The following MCL1 variants were observed in gnomAD, a reference collection of about 807,000 sequenced individuals.
The protein encoded by MCL1 is induced myeloid leukemia cell differentiation protein Mcl-1.
MCL1 carries 4 observed loss-of-function variants against 24.2 expected under a neutral mutation model. That is an observed-to-expected ratio of 0.17 (90% CI 0.08 to 0.38). The LOEUF is 0.38. Among genes scored for constraint, MCL1 ranks in the 10% least tolerant of loss-of-function variants. MCL1 has a pLI of 1.00. For missense variants in MCL1, 529 were observed against 480.3 expected, an observed-to-expected ratio of 1.10 and a Z score of -0.95; for synonymous variants, 248 against 214.0, an observed-to-expected ratio of 1.16 and a Z score of -1.39.
At chr1:150,578,822 G>A (rs1225572575) in intron 1 of MCL1, 21 bp downstream of exon 1, 4 of 1,596,602 alleles carry the variant, frequency 2.5e-6, no homozygotes, top group Admixed American at 1.7e-5. Flanking sequence ...TGAGGCCTTG[G>A]CGATTAATGA....
Position 150,577,083 on chromosome 1 carries a change from C to A in MCL1, c.*292G>T. Reference sequence around the variant, plus strand: ...TTCTCAACAAGGAAATTAAGTCTTTCCACCCTACCATCTTCACTAAATCTA... The same window carrying A: ...TTCTCAACAAGGAAATTAAGTCTTTACACCCTACCATCTTCACTAAATCTA... On this transcript the variant is annotated 3_prime_UTR_variant, in exon 3 of 3. Coordinates refer to ENST00000369026, the MANE Select transcript of MCL1 (RefSeq NM_021960.5). 3.2e-6 allele frequency: 1 copy of A among 310,042 alleles called. No homozygotes were observed. The highest frequency in any genetic ancestry group is 6.1e-6 in the Non-Finnish European group (1 of 163,744). 19.2% of individuals were successfully genotyped at this position (310,042 alleles called of 1,614,324 possible).
Position 150,577,215 on chromosome 1 carries a change from G to T in MCL1, c.*160C>A. On this transcript the variant is annotated 3_prime_UTR_variant, in exon 3 of 3. Coordinates refer to ENST00000369026, the MANE Select transcript of MCL1 (RefSeq NM_021960.5). ...AATCAATGGGGAGCACTCTTCCCAT[G>T]TATTTATTCTTGTTAGCCATAATCC... 2 of 848,256 alleles carry T rather than the reference G, an allele frequency of 2.4e-6. No individual in the cohort carries two copies. Among genetic ancestry groups the T allele is most frequent in the Non-Finnish European group, 3.6e-6 (2 of 550,640 alleles). 52.5% of individuals were successfully genotyped at this position (848,256 alleles called of 1,614,324 possible).
At chr1:150,578,610 C>A in intron 1 of MCL1, 119 bp from the exon 2 acceptor site, 1 of 1,309,568 alleles carries the variant, frequency 7.6e-7, no homozygotes, top group South Asian at 1.4e-5. Flanking sequence ...AGGTTGACCC[C>A]ACTTGAAATT....
In MCL1 at chr1:150,576,720, G is replaced by A. The variant is rs1364591445; in HGVS notation, c.*655C>T. 1 of 232,256 alleles carries A rather than the reference G, an allele frequency of 4.3e-6. No homozygotes were observed. The highest frequency in any genetic ancestry group is 8.5e-6 in the Non-Finnish European group (1 of 117,498). 14.4% of individuals were successfully genotyped at this position (232,256 alleles called of 1,614,324 possible). ...ACATTTACAAGCTGTCTTAAGAATTGAGGATATCCATATTCATAACTAATT... is the reference window on the plus strand; with the variant it reads ...ACATTTACAAGCTGTCTTAAGAATTAAGGATATCCATATTCATAACTAATT... On this transcript the variant is annotated 3_prime_UTR_variant, in exon 3 of 3. Transcript: ENST00000369026.
At position 150,579,310 on chromosome 1, in the gene MCL1, C is replaced by T. The variant is rs113625636; in HGVS notation, c.221G>A (p.Arg74Gln). ...AATGGGCGGCGGCCGCGCGACCCTC[C>T]GGGAGTCTGGCGTGAGGGTGGACGG... ...SPPSTLTPDS[R>Q]RVARPPPIGA... Residue 74 changes from arginine to glutamine, a missense_variant, in exon 1 of 3, where the codon CGG becomes CAG. Arg to Gln is a conservative substitution (Grantham distance 43). Coordinates refer to ENST00000369026, the MANE Select transcript of MCL1 (RefSeq NM_021960.5). 13 of 1,482,252 alleles carry T rather than the reference C, an allele frequency of 8.8e-6. No homozygotes were observed. The highest frequency in any genetic ancestry group is 2.7e-5 in the Admixed American group (1 of 37,514). The allele number at this position is 1,482,252 out of a possible 1,614,324, so 91.8% of individuals were successfully genotyped here.
In MCL1 at chr1:150,574,766, A is replaced by C. The variant is rs1164426344; in HGVS notation, c.*2609T>G. 4.3e-6 allele frequency: 1 copy of C among 232,970 alleles called. No individual in the cohort carries two copies. Among genetic ancestry groups the C allele is most frequent in the Non-Finnish European group, 8.5e-6 (1 of 117,674 alleles). 14.4% of individuals were successfully genotyped at this position (232,970 alleles called of 1,614,324 possible). ...GGACTGCATGTTTTTCCCTGAGAGAAGCGTAAGACAAACAGAAGTCAAAAA... is the reference window on the plus strand; with the variant it reads ...GGACTGCATGTTTTTCCCTGAGAGACGCGTAAGACAAACAGAAGTCAAAAA... On this transcript the variant is annotated 3_prime_UTR_variant, in exon 3 of 3. Coordinates refer to ENST00000369026, the MANE Select transcript of MCL1 (RefSeq NM_021960.5).
rs758465250 is a variant in MCL1 at position 150,579,327 on chromosome 1, G to A, written c.204C>T (p.Thr68=). ...CGACCCTCCGGGAGTCTGGCGTGAG[G>A]GTGGACGGGGGGCTTGCGCCGGCGC... is the stretch of plus-strand genomic sequence containing the variant. ...GGSAGASPPS[T]LTPDSRRVAR... Residue 68 remains threonine (T), a synonymous_variant, in exon 1 of 3, where the codon ACC becomes ACT. Coordinates refer to ENST00000369026, the MANE Select transcript of MCL1 (RefSeq NM_021960.5). 3 of 1,474,158 alleles carry A rather than the reference G, an allele frequency of 2.0e-6. No homozygotes were observed. The highest frequency in any genetic ancestry group is 2.7e-6 in the Non-Finnish European group (3 of 1,120,334). The allele number at this position is 1,474,158 out of a possible 1,614,324, so 91.3% of individuals were successfully genotyped here.
Position 150,579,271 on chromosome 1 carries a change from G to A in MCL1, c.260C>T (p.Pro87Leu), listed in dbSNP as rs2101699778. The A allele has an allele frequency of 6.7e-7, 1 of 1,491,862 alleles. No individual in the cohort carries two copies. The highest frequency in any genetic ancestry group is 8.9e-7 in the Non-Finnish European group (1 of 1,126,528). The allele number at this position is 1,491,862 out of a possible 1,614,324, so 92.4% of individuals were successfully genotyped here. A position where few individuals can be genotyped will look rare whatever the true frequency, so the allele number is the denominator to read the frequency against. ...ARPPPIGAEVPDVTATPARLL... is the reference protein window; with the variant it reads ...ARPPPIGAEVLDVTATPARLL... Reference sequence around the variant, plus strand: ...CCTCGCGGGGGTCGCGGTGACGTCGGGGACCTCGGCGCCAATGGGCGGCGG... The same window carrying A: ...CCTCGCGGGGGTCGCGGTGACGTCGAGGACCTCGGCGCCAATGGGCGGCGG... Residue 87 changes from proline (P) to leucine (L), a missense_variant, in exon 1 of 3, where the codon CCC (proline) becomes CTC (leucine). Physicochemically the swap from Pro to Leu is moderately conservative, Grantham distance 98 (BLOSUM62 -3). Transcript: ENST00000369026.
chr1:150,578,182 TAAAAA>T, intron 2 of MCL1, 57 bp downstream of exon 2: 1 of 1,560,542 alleles, frequency 6.4e-7, no homozygotes, highest in Non-Finnish European at 8.7e-7. Context: ...CCCACCTCTC[TAAAAA>T]AAATCCTTCA....
At position 150,579,455 on chromosome 1, in the gene MCL1, C is replaced by G; in HGVS notation, c.76G>C (p.Gly26Arg). The G allele has an allele frequency of 6.3e-7, 1 of 1,592,192 alleles. No homozygotes were observed. Among genetic ancestry groups the G allele is most frequent in the Non-Finnish European group, 8.5e-7 (1 of 1,171,340 alleles). ...CGCCCTCCCGGGCGGGTGGCGCCGC[C>G]GCTGCCGGCCCCCAAGCCGGCCCCC... ...CGGAGLGAGS[G>R]GATRPGGRLL... The change falls in exon 1 of 3, where the codon GGC becomes CGC. Residue 26 changes from glycine (G) to arginine (R), a missense_variant. Transcript: ENST00000369026.
At position 150,579,353 on chromosome 1, in the gene MCL1, T is replaced by A. The variant is rs2101700214; in HGVS notation, c.178A>T (p.Ser60Cys). The A allele has an allele frequency of 6.8e-7, 1 of 1,478,082 alleles. No individual in the cohort carries two copies. The highest frequency in any genetic ancestry group is 8.9e-7 in the Non-Finnish European group (1 of 1,123,006). 91.6% of individuals were successfully genotyped at this position (1,478,082 alleles called of 1,614,324 possible). The change falls in exon 1 of 3, where the codon AGC (serine) becomes TGC (cysteine). Residue 60 changes from serine to cysteine, a missense_variant. Coordinates refer to ENST00000369026, the MANE Select transcript of MCL1 (RefSeq NM_021960.5). ...GTGGACGGGGGGCTTGCGCCGGCGC[T>A]TCCGCCAATCACCGCGCCGGCCTCC... is the stretch of plus-strand genomic sequence containing the variant. ...GGEAGAVIGGSAGASPPSTLT... is the reference protein window; with the variant it reads ...GGEAGAVIGGCAGASPPSTLT...
Position 150,578,523 on chromosome 1 carries a change from C to T in MCL1, c.689-32G>A, listed in dbSNP as rs587603841. The stretch of plus-strand genomic sequence containing the variant: ...AAGAAAAGCATGCAGGTCCTCACGG[C>T]CTCCTTTGTCTAAACCGGCGCAAGA... On this transcript the variant is annotated intron_variant, in intron 1 of 2. Transcript: ENST00000369026. The T allele has an allele frequency of 3.7e-5, 60 of 1,611,526 alleles. No individual in the cohort carries two copies. In the South Asian group the frequency reaches 6.4e-4, roughly 17 times the overall value.
chr1:150,577,522 A>C (rs776977887), intron 2 of MCL1, 31 bp from the exon 3 acceptor site: 1 of 1,514,300 alleles, frequency 6.6e-7, no homozygotes, highest in Non-Finnish European at 8.8e-7. Context: ...GCACATTTTC[A>C]AGTATGGGTT....
chr1:150,578,556 G>GC (rs1560315973), intron 1 of MCL1, 65 bp from the exon 2 acceptor site: 51 of 1,581,494 alleles, frequency 3.2e-5, no homozygotes, highest in Non-Finnish European at 4.2e-5. Flanking sequence ...AGATTCGCCT[G>GC]CCCACCCGCG....
rs1024728611 is a variant in MCL1 at position 150,579,442 on chromosome 1, C to T, written c.89G>A (p.Arg30His). The T allele has an allele frequency of 4.4e-6, 7 of 1,589,630 alleles. No individual in the cohort carries two copies. Among genetic ancestry groups the T allele is most frequent in the African/African-American group, 4.2e-5 (3 of 71,962 alleles). The change falls in exon 1 of 3, where the codon CGC becomes CAC. Residue 30 changes from arginine (R) to histidine (H), a missense_variant. Arg to His is a conservative substitution (Grantham distance 29). Transcript: ENST00000369026. Reference sequence around the variant, plus strand: ...CGTAGCCAAAAGTCGCCCTCCCGGGCGGGTGGCGCCGCCGCTGCCGGCCCC... The same window carrying T: ...CGTAGCCAAAAGTCGCCCTCCCGGGTGGGTGGCGCCGCCGCTGCCGGCCCC... ...GLGAGSGGAT[R>H]PGGRLLATEK... is the part of the protein sequence containing the mutation.
chr1:150,578,556 G>A (rs1159732546), intron 1 of MCL1, 65 bp from the exon 2 acceptor site: 2 of 1,581,496 alleles, frequency 1.3e-6, no homozygotes, highest in East Asian at 2.2e-5. Flanking sequence ...AGATTCGCCT[G>A]CCCACCCGCG....
At chr1:150,578,124 T>C (rs1647892274) in intron 2 of MCL1, 120 bp downstream of exon 2, 2 of 1,068,232 alleles carry the variant, frequency 1.9e-6, no homozygotes, top group Admixed American at 2.3e-5. Flanking sequence ...AATGGTCCTT[T>C]AGTTAGAGCC....
chr1:150,578,125 A>C lies in MCL1; in HGVS notation c.936+119T>G, dbSNP rs1647892346. 4.7e-6 allele frequency: 5 copies of C among 1,070,222 alleles called. 1 individual carries two copies. The South Asian group carries it at 7.7e-5, about 17-fold the overall frequency. 66.3% of individuals were successfully genotyped at this position (1,070,222 alleles called of 1,614,324 possible). ...AACATCAAATAAACAATGGTCCTTT[A>C]GTTAGAGCCTGCAAACAGCCGTGCG... On this transcript the variant is annotated intron_variant, in intron 2 of 2. Transcript: ENST00000369026.
intron 1 of MCL1, 127 bp downstream of exon 1, chr1:150,578,715 CT>C: frequency 8.9e-7 from 1 of 1,125,424 alleles, no homozygotes; most frequent in East Asian, 2.4e-5. Flanking sequence ...AATATTCTGG[CT>C]TCAGGAATAG....
Sources: gnomAD v4.1 joint callset for allele counts on GRCh38, gnomAD v4.1.1 for gene constraint, MANE v1.5 for transcripts, NCBI Gene and HGNC (gene_info 2026-07-23, HGNC 2026-07-21) for gene names.